NALF1: variants seen among roughly 807,000 people sequenced by gnomAD.
The protein encoded by NALF1 is NALCN channel auxiliary factor 1.
A neutral mutation model predicts 48.4 loss-of-function variants in NALF1; 3 were observed. That is an observed-to-expected ratio of 0.06 (90% CI 0.03 to 0.16). NALF1 has a LOEUF of 0.16. Among genes scored for constraint, NALF1 ranks in the 10% least tolerant of loss-of-function variants. The pLI is 1.00. For synonymous variants in NALF1, 262 were observed against 245.7 expected (o/e 1.07, Z -0.62); for missense variants, 526 against 571.5 (o/e 0.92, Z 0.81).
At chr13:107,684,593 A>G (rs994765563) in intron 1 of NALF1, among the ~76,000 whole-genome samples, 21 of 152,182 alleles carry the variant, frequency 1.4e-4, no homozygotes, top group African/African-American at 3.1e-4. Flanking sequence ...TTCATCCCCA[A>G]TTTAACTTTG....
intron 1 of NALF1, among the ~76,000 whole-genome samples, chr13:107,643,148 T>C (rs1039959167): frequency 2.0e-4 from 30 of 152,158 alleles, no homozygotes; most frequent in African/African-American, 6.0e-4. Flanking sequence ...GAGTCCGCCA[T>C]GGGTTATGGT....
intron 1 of NALF1, among the ~76,000 whole-genome samples, chr13:107,496,363 C>G (rs1182778832): frequency 6.6e-6 from 1 of 152,142 alleles, no homozygotes; most frequent in African/African-American, 2.4e-5. Flanking sequence ...GGAGAGCAGA[C>G]AACTGATTCC....
intron 1 of NALF1, among the ~76,000 whole-genome samples, chr13:107,512,549 G>A (rs1875926537): frequency 6.6e-6 from 1 of 152,164 alleles, no homozygotes; most frequent in African/African-American, 2.4e-5. Flanking sequence ...TGGTGGAGCA[G>A]AAGAAAACAG....
chr13:107,693,650 C>G (rs1280444969), intron 1 of NALF1, among the ~76,000 whole-genome samples: 1 of 150,918 alleles, frequency 6.6e-6, no homozygotes, highest in African/African-American at 2.4e-5. Flanking sequence ...GTATTCATTG[C>G]ACCTAGTTCA....
intron 2 of NALF1, among the ~76,000 whole-genome samples, chr13:107,197,251 C>T (rs961646826): frequency 1.3e-5 from 2 of 152,158 alleles, no homozygotes; most frequent in African/African-American, 4.8e-5. Flanking sequence ...ATTACCTAGT[C>T]TTTGGTATTC....
At chr13:107,333,288 T>G (rs1270577591) in intron 1 of NALF1, among the ~76,000 whole-genome samples, 1 of 152,126 alleles carries the variant, frequency 6.6e-6, no homozygotes, top group East Asian at 1.9e-4. Flanking sequence ...GTAAGCCACA[T>G]CACAGAATTC....
intron 1 of NALF1, among the ~76,000 whole-genome samples, chr13:107,693,479 G>A (rs1269496482): frequency 6.6e-6 from 1 of 151,740 alleles, no homozygotes; most frequent in Non-Finnish European, 1.5e-5. Flanking sequence ...AATAAAAAAT[G>A]AAAATAAAAA....
chr13:107,294,178 G>A (rs1348572637), intron 1 of NALF1, among the ~76,000 whole-genome samples: 1 of 152,142 alleles, frequency 6.6e-6, no homozygotes, highest in East Asian at 1.9e-4. Flanking sequence ...GGAACATAGG[G>A]AAAGGAGGGA....
chr13:107,194,648 T>C (rs191278398), intron 2 of NALF1, among the ~76,000 whole-genome samples: 10 of 152,208 alleles, frequency 6.6e-5, no homozygotes, highest in African/African-American at 2.2e-4. Context: ...AAAACTCTTC[T>C]AGACATTGGC....
At chr13:107,559,478 T>A (rs1877581546) in intron 1 of NALF1, among the ~76,000 whole-genome samples, 1 of 151,998 alleles carries the variant, frequency 6.6e-6, no homozygotes, top group African/African-American at 2.4e-5. Context: ...ACCAATAATA[T>A]CTCATTTGTT....
intron 1 of NALF1, among the ~76,000 whole-genome samples, chr13:107,448,384 TA>T (rs35439296): frequency 0.66 from 100,049 of 152,000 alleles, 33,646 homozygotes; most frequent in Middle Eastern, 0.78. Flanking sequence ...TTAGGAATTT[TA>T]AGTCTCATGT....
At chr13:107,399,384 C>T (rs951284169) in intron 1 of NALF1, among the ~76,000 whole-genome samples, 1 of 152,036 alleles carries the variant, frequency 6.6e-6, no homozygotes, top group African/African-American at 2.4e-5. Flanking sequence ...GATCAACATT[C>T]ATAACGCATC....
chr13:107,396,759 C>A (rs888113141), intron 1 of NALF1, among the ~76,000 whole-genome samples: 8 of 152,122 alleles, frequency 5.3e-5, no homozygotes, highest in Non-Finnish European at 7.4e-5. Context: ...CCTCTCTCAC[C>A]CTGCAGTAGA....
chr13:107,537,802 G>A (rs1876877852), intron 1 of NALF1, among the ~76,000 whole-genome samples: 1 of 152,080 alleles, frequency 6.6e-6, no homozygotes, highest in Admixed American at 6.6e-5. Context: ...TAGATCACTT[G>A]AGGTCAGGAG....
rs1326417606 is a variant in NALF1, at chr13:107,432,342, G to A, written c.916-221587C>T. 2.0e-5 allele frequency among the ~76,000 whole-genome samples: 3 copies of A among 152,178 alleles called. No homozygotes were observed. In the East Asian group the frequency reaches 5.8e-4, roughly 29 times the overall value. On this transcript the variant is annotated intron_variant, in intron 1 of 2. Transcript: ENST00000375915. ...CCCTGGGGATCATATTTGAGATGTG[G>A]AGGGAACAAATATCCAAACTATATT...
intron 1 of NALF1, among the ~76,000 whole-genome samples, chr13:107,770,966 C>T (rs1204154478): frequency 2.0e-5 from 3 of 152,108 alleles, no homozygotes; most frequent in Non-Finnish European, 4.4e-5. Context: ...TGGTCTTTTT[C>T]CTTCCTAGGA....
intron 1 of NALF1, among the ~76,000 whole-genome samples, chr13:107,822,994 A>G (rs1555328163): frequency 6.6e-6 from 1 of 152,180 alleles, no homozygotes; most frequent in Non-Finnish European, 1.5e-5. Flanking sequence ...ATAATCGGGT[A>G]CTGCTGAGGT....
intron 1 of NALF1, among the ~76,000 whole-genome samples, chr13:107,697,599 A>T (rs1480767323): frequency 6.6e-6 from 1 of 152,018 alleles, no homozygotes; most frequent in Non-Finnish European, 1.5e-5. Context: ...GGTCCTGAAA[A>T]TTTTATTGGT....
chr13:107,413,875 T>C (rs12866878), intron 1 of NALF1, among the ~76,000 whole-genome samples: 63,535 of 152,014 alleles, frequency 0.42, 13,430 homozygotes, highest in Middle Eastern at 0.54. Context: ...TAACCTCTGC[T>C]TCTTGGGTTC....
Sources: gnomAD v4.1 joint callset for allele counts (sites outside exome capture counted in the v4.1 genomes callset) on GRCh38, gnomAD v4.1.1 for gene constraint, MANE v1.5 for transcripts, NCBI Gene and HGNC (gene_info 2026-07-23, HGNC 2026-07-21) for gene names.